CEP112: variants seen among roughly 807,000 people sequenced by gnomAD.
CEP112 encodes centrosomal protein of 112 kDa.
CEP112 carries 127 observed loss-of-function variants against 153.0 expected under a neutral mutation model. That is an observed-to-expected ratio of 0.83 (90% confidence interval 0.72 to 0.96). CEP112 has a LOEUF of 0.96. Ranked by LOEUF, CEP112 falls within the 40% of genes least tolerant of loss-of-function variation. The probability of loss-of-function intolerance (pLI) is 0.00; values close to 1 mark genes in which losing one functional copy is unlikely to be tolerated. For missense variants in CEP112, 1,089 were observed against 1,101.2 expected (o/e 0.99, Z 0.16); for synonymous variants, 358 against 374.4 (o/e 0.96, Z 0.51).
intron 10 of CEP112, among the ~76,000 whole-genome samples, chr17:66,064,355 T>C (rs1455018980): frequency 2.6e-5 from 4 of 152,214 alleles, no homozygotes; most frequent in Non-Finnish European, 5.9e-5. Flanking sequence ...GGTTTTAAAT[T>C]ATATAAAATA....
intron 16 of CEP112, among the ~76,000 whole-genome samples, chr17:66,009,954 G>C (rs1033584151): frequency 6.6e-6 from 1 of 151,952 alleles, no homozygotes; most frequent in Non-Finnish European, 1.5e-5. Context: ...TCTCTTTTTT[G>C]GTTCTATATG....
chr17:65,962,907 A>G (rs2062265414), intron 17 of CEP112, among the ~76,000 whole-genome samples: 1 of 152,234 alleles, frequency 6.6e-6, no homozygotes, highest in South Asian at 2.1e-4. Flanking sequence ...AAAATTGCCA[A>G]GTCTCCAGTA....
At chr17:65,704,293 A>G (rs539060136) in intron 23 of CEP112, among the ~76,000 whole-genome samples, 3 of 152,236 alleles carry the variant, frequency 2.0e-5, no homozygotes, top group East Asian at 3.9e-4. Context: ...GAACTGTGAG[A>G]TAATAGCTTC....
chr17:65,947,358 T>A (rs2024521), intron 18 of CEP112, among the ~76,000 whole-genome samples: 72,635 of 151,790 alleles, frequency 0.48, 18,358 homozygotes, highest in East Asian at 0.89. Flanking sequence ...CAGGTATTCA[T>A]AAATTTTTTA....
chr17:65,719,573 C>T (rs1447366526), intron 23 of CEP112, among the ~76,000 whole-genome samples: 1 of 151,962 alleles, frequency 6.6e-6, no homozygotes, highest in Non-Finnish European at 1.5e-5. Flanking sequence ...TAGAGTGAGA[C>T]TCAGTCTCAA....
At chr17:65,644,559 A>G (rs9910800) in intron 24 of CEP112, 134,897 of 200,538 alleles carry the variant, frequency 0.67, 47,619 homozygotes, top group East Asian at 0.95. Context: ...ACTTTTTCTG[A>G]TGTCTATAAG....
At chr17:65,973,012 C>T (rs546226993) in intron 17 of CEP112, among the ~76,000 whole-genome samples, 15 of 152,332 alleles carry the variant, frequency 9.8e-5, no homozygotes, top group South Asian at 6.2e-4. Context: ...GTGATCTGCC[C>T]GCCTTGGCCT....
At chr17:66,119,183 G>A (rs752587976) in intron 6 of CEP112, among the ~76,000 whole-genome samples, 12 of 152,078 alleles carry the variant, frequency 7.9e-5, no homozygotes, top group Non-Finnish European at 1.3e-4. Context: ...ACACACACTG[G>A]GGCCTGTCAG....
At chr17:66,050,148 A>C (rs2064575873) in intron 12 of CEP112, among the ~76,000 whole-genome samples, 1 of 152,204 alleles carries the variant, frequency 6.6e-6, no homozygotes, top group Non-Finnish European at 1.5e-5. Context: ...CTTGAAAACC[A>C]AGTGGGGTCA....
chr17:65,932,064 C>T (rs1480190767), intron 18 of CEP112, among the ~76,000 whole-genome samples: 1 of 152,194 alleles, frequency 6.6e-6, no homozygotes, highest in Admixed American at 6.5e-5. Context: ...TCACAGAGCC[C>T]AGCCAGCAGC....
intron 23 of CEP112, among the ~76,000 whole-genome samples, chr17:65,739,704 C>G (rs1348365435): frequency 6.6e-6 from 1 of 151,956 alleles, no homozygotes; most frequent in East Asian, 1.9e-4. Flanking sequence ...CCACTGCACT[C>G]CAGCCTGGGC....
At chr17:65,869,438 A>C (rs2058579369) in intron 20 of CEP112, among the ~76,000 whole-genome samples, 1 of 152,194 alleles carries the variant, frequency 6.6e-6, no homozygotes, top group Non-Finnish European at 1.5e-5. Context: ...AATTCACCCA[A>C]ACTCCAAAGA....
intron 21 of CEP112, among the ~76,000 whole-genome samples, chr17:65,818,130 T>C (rs1386476989): frequency 1.3e-5 from 2 of 151,872 alleles, no homozygotes; most frequent in African/African-American, 4.8e-5. Context: ...ACTGGTCTTG[T>C]AGCAATTTAC....
intron 8 of CEP112, among the ~76,000 whole-genome samples, chr17:66,095,122 C>T (rs374477970): frequency 2.0e-5 from 3 of 152,264 alleles, no homozygotes; most frequent in East Asian, 1.9e-4. Flanking sequence ...AGAACTACTA[C>T]ATGATCCAGC....
chr17:65,843,280 T>C (rs2057594394), intron 21 of CEP112, among the ~76,000 whole-genome samples: 1 of 152,216 alleles, frequency 6.6e-6, no homozygotes, highest in Non-Finnish European at 1.5e-5. Flanking sequence ...CACCAGGCTA[T>C]AGCTTATATA....
rs1018438329 is a variant in CEP112, at chr17:65,764,521, CTTTT to C, written c.2395-13801_2395-13798del. On this transcript the variant is annotated intron_variant, in intron 21 of 26. Transcript: ENST00000535342. ...TGAATGTCCTCTTTATCATTAGTGA[CTTTT>C]TTTGTCTCTTATGAAAGTTTTTGAC... Among the ~76,000 whole-genome samples the C allele has an allele frequency of 4.8e-5, 6 of 125,080 alleles. No individual in the cohort carries two copies. The East Asian group carries it at 1.5e-3, about 31-fold the overall frequency. 82.1% of individuals were successfully genotyped at this position (125,080 alleles called of 152,430 possible).
At chr17:66,066,033 A>G (rs1241080554) in intron 10 of CEP112, among the ~76,000 whole-genome samples, 1 of 151,990 alleles carries the variant, frequency 6.6e-6, no homozygotes, top group Non-Finnish European at 1.5e-5. Flanking sequence ...AGTACCTGCA[A>G]CTCTTCTCTC....
intron 5 of CEP112, among the ~76,000 whole-genome samples, chr17:66,131,371 C>T: frequency 6.6e-6 from 1 of 152,080 alleles, no homozygotes; most frequent in East Asian, 1.9e-4. Flanking sequence ...AAATATGCTG[C>T]CCTTTATATT....
At chr17:65,831,243 A>C (rs1358384089) in intron 21 of CEP112, among the ~76,000 whole-genome samples, 1 of 152,232 alleles carries the variant, frequency 6.6e-6, no homozygotes, top group African/African-American at 2.4e-5. Flanking sequence ...CAGAGAATTC[A>C]GAATAATACT....
Sources: allele counts gnomAD v4.1 joint callset (sites outside exome capture counted in the v4.1 genomes callset), GRCh38; gene constraint gnomAD v4.1.1; transcripts MANE v1.5; gene names NCBI Gene and HGNC (gene_info 2026-07-23, HGNC 2026-07-21).